Variants in RNLS observed in about 807,000 individuals in gnomAD.
RNLS encodes renalase, FAD dependent amine oxidase, also known as renalase.
In RNLS, 39 loss-of-function variants were observed where a neutral mutation model predicts 39.8. The observed-to-expected ratio is 0.98, with a 90% CI of 0.76 to 1.28. The LOEUF (loss-of-function observed/expected upper bound fraction) is 1.28, where lower values mean the gene tolerates loss of function less well. RNLS is among the 50% of genes most tolerant of loss of function. The pLI, the probability that RNLS is intolerant of heterozygous loss-of-function variation, is 0.00. For missense variants in RNLS, 410 were observed against 413.3 expected (o/e 0.99, Z 0.07); for synonymous variants, 147 against 150.7 (o/e 0.98, Z 0.18).
the RNLS span, among the ~76,000 whole-genome samples, chr10:88,184,320 T>C: frequency 2.8e-3 from 430 of 152,264 alleles, 2 homozygotes; most frequent in South Asian, 6.8e-3. Context: ...GTAATACCCA[T>C]AGACAATTAG....
At chr10:88,202,339 C>A in the RNLS span, among the ~76,000 whole-genome samples, 6 of 151,692 alleles carry the variant, frequency 4.0e-5, no homozygotes, top group Non-Finnish European at 7.4e-5. Flanking sequence ...AGGAGATATA[C>A]CTAATGTTAA....
the RNLS span, among the ~76,000 whole-genome samples, chr10:88,238,876 T>G: frequency 2.0e-5 from 3 of 152,202 alleles, no homozygotes; most frequent in African/African-American, 7.2e-5. Flanking sequence ...CTAAGAAGCT[T>G]GAGGTGGCTG....
At chr10:88,527,531 C>G (rs1847177110) in intron 4 of RNLS, among the ~76,000 whole-genome samples, 1 of 152,136 alleles carries the variant, frequency 6.6e-6, no homozygotes. Context: ...ACTCACATGC[C>G]TCATGGGATA....
chr10:88,291,441 C>T (rs1474108028), intron 6 of RNLS, among the ~76,000 whole-genome samples: 1 of 152,206 alleles, frequency 6.6e-6, no homozygotes, highest in African/African-American at 2.4e-5. Flanking sequence ...ATTCATCTTG[C>T]TGGGCAAATT....
chr10:88,266,094 TA>T, the RNLS span, among the ~76,000 whole-genome samples: 1 of 152,090 alleles, frequency 6.6e-6, no homozygotes, highest in Non-Finnish European at 1.5e-5. Context: ...GATGGGCTGG[TA>T]AAATTTGATG....
chr10:88,541,921 G>A (rs540152265), intron 4 of RNLS, among the ~76,000 whole-genome samples: 29 of 152,100 alleles, frequency 1.9e-4, no homozygotes, highest in Non-Finnish European at 3.5e-4. Context: ...CTAGGGAGCT[G>A]GGAAAGATGA....
intron 4 of RNLS, among the ~76,000 whole-genome samples, chr10:88,371,190 T>A (rs1850531776): frequency 6.6e-6 from 1 of 151,938 alleles, no homozygotes; most frequent in African/African-American, 2.4e-5. Context: ...TTAAAAAAAA[T>A]TAAACAAGAT....
intron 4 of RNLS, among the ~76,000 whole-genome samples, chr10:88,489,303 A>G (rs1032193448): frequency 1.3e-5 from 2 of 152,138 alleles, no homozygotes; most frequent in Non-Finnish European, 2.9e-5. Flanking sequence ...TCTCACTCCC[A>G]TTGCTTCTGA....
chr10:88,318,331 A>C (rs1845918818), intron 5 of RNLS, among the ~76,000 whole-genome samples: 1 of 152,182 alleles, frequency 6.6e-6, no homozygotes, highest in South Asian at 2.1e-4. Context: ...GGGACAAAGG[A>C]AATGAAGGAA....
In RNLS at chr10:88,317,367, A is replaced by G. The variant is rs143394640; in HGVS notation, c.701-2726T>C. Among the ~76,000 whole-genome samples, 47 of 152,326 alleles carry G rather than the reference A, an allele frequency of 3.1e-4. No individual in the cohort carries two copies. The East Asian group carries it at 7.0e-3, about 23-fold the overall frequency. On this transcript the variant is annotated intron_variant, in intron 5 of 6. Coordinates refer to ENST00000331772, the MANE Select transcript of RNLS (RefSeq NM_001031709.3). ...CACATAAAAGCCTTCCTTCAAACAT[A>G]AAGTGCTACACAAACAGAAGGCATT...
At chr10:88,265,603 T>C in the RNLS span, among the ~76,000 whole-genome samples, 11 of 152,156 alleles carry the variant, frequency 7.2e-5, no homozygotes, top group Admixed American at 6.5e-5. Flanking sequence ...TTTTATTTTA[T>C]TTTGCAGCTA....
chr10:88,284,322 C>T lies in RNLS; in HGVS notation c.*1032G>A, dbSNP rs1430402389. On this transcript the variant is annotated 3_prime_UTR_variant, in exon 7 of 7. Coordinates refer to ENST00000331772, the MANE Select transcript of RNLS (RefSeq NM_001031709.3). ...AGTTTGAGAGGCTGCAATGATTTTT[C>T]TCCTTTCAAAATGCTGAAATAGAAC... 1.0e-6 allele frequency: 1 copy of T among 985,166 alleles called. No homozygotes were observed. The highest frequency in any genetic ancestry group is 1.1e-4 in the East Asian group (1 of 8,814). 61.0% of individuals were successfully genotyped at this position (985,166 alleles called of 1,614,324 possible). A position where few individuals can be genotyped will look rare whatever the true frequency, so the allele number is the denominator to read the frequency against.
intron 4 of RNLS, among the ~76,000 whole-genome samples, chr10:88,428,241 G>C (rs1854923486): frequency 6.6e-6 from 1 of 151,986 alleles, no homozygotes; most frequent in South Asian, 2.1e-4. Flanking sequence ...AAGGAAAAGA[G>C]CTAGGACTAT....
chr10:88,530,262 C>A (rs1386807454), intron 4 of RNLS, among the ~76,000 whole-genome samples: 3 of 152,182 alleles, frequency 2.0e-5, no homozygotes, highest in Non-Finnish European at 2.9e-5. Context: ...CTCAGAACTG[C>A]ACCTGGCACA....
chr10:88,315,732 T>A (rs1845710032), intron 5 of RNLS, among the ~76,000 whole-genome samples: 1 of 135,466 alleles, frequency 7.4e-6, no homozygotes, highest in Non-Finnish European at 1.6e-5. Flanking sequence ...CCTCTTTACA[T>A]TTCAGGTTTT....
chr10:88,398,448 T>C (rs764362717), intron 4 of RNLS, among the ~76,000 whole-genome samples: 3 of 151,920 alleles, frequency 2.0e-5, no homozygotes, highest in African/African-American at 4.8e-5. Context: ...AAGCTCTGGA[T>C]TGGGTGATTA....
At chr10:88,227,338 G>C in the RNLS span, among the ~76,000 whole-genome samples, 1 of 152,174 alleles carries the variant, frequency 6.6e-6, no homozygotes, top group African/African-American at 2.4e-5. Flanking sequence ...CTGATGAAAT[G>C]AACAATAGTT....
intron 4 of RNLS, among the ~76,000 whole-genome samples, chr10:88,376,337 C>A (rs1270053362): frequency 6.6e-6 from 1 of 152,006 alleles, no homozygotes. Flanking sequence ...AGAATAGGCA[C>A]CTCATAGAAA....
chr10:88,307,926 T>C (rs568712268), intron 6 of RNLS, among the ~76,000 whole-genome samples: 3 of 151,728 alleles, frequency 2.0e-5, no homozygotes, highest in South Asian at 2.1e-4. Flanking sequence ...ATGATATTGG[T>C]ACAAAAACAG....
Sources: allele counts gnomAD v4.1 joint callset (sites outside exome capture counted in the v4.1 genomes callset), GRCh38; gene constraint gnomAD v4.1.1; transcripts MANE v1.5; gene names NCBI Gene and HGNC (gene_info 2026-07-23, HGNC 2026-07-21).